Variants in PEX3 observed in about 807,000 individuals in gnomAD.
The protein encoded by PEX3 is peroxin-3.
Under a neutral mutation model 55.8 loss-of-function variants are expected in PEX3, and 30 were observed. That is an observed-to-expected ratio of 0.54 (90% CI 0.40 to 0.73). PEX3 has a LOEUF of 0.73. Among genes scored for constraint, PEX3 ranks in the 30% least tolerant of loss-of-function variants. The pLI, the probability that PEX3 is intolerant of heterozygous loss-of-function variation, is 0.00. For synonymous variants in PEX3, 135 were observed against 148.4 expected (o/e 0.91, Z 0.66); for missense variants, 351 against 432.8 (o/e 0.81, Z 1.68).
In PEX3 at chr6:143,474,857, G is replaced by T. The variant is rs958074446; in HGVS notation, c.818+1G>T. 1 of 1,514,590 alleles carries T rather than the reference G, an allele frequency of 6.6e-7. No individual in the cohort carries two copies. Among genetic ancestry groups the T allele is most frequent in the Non-Finnish European group, 9.2e-7 (1 of 1,089,808 alleles). 93.8% of individuals were successfully genotyped at this position (1,514,590 alleles called of 1,614,324 possible). Reference sequence around the variant, plus strand: ...ATGAAACTAGAGACATGTTGGAAAGGTATGTATACTTCATGTAGCAGGAAA... The same window carrying T: ...ATGAAACTAGAGACATGTTGGAAAGTTATGTATACTTCATGTAGCAGGAAA... On this transcript the variant is annotated splice_donor_variant, in intron 9 of 11. Coordinates refer to ENST00000367591, the MANE Select transcript of PEX3 (RefSeq NM_003630.3). LOFTEE classifies it high-confidence loss of function.
chr6:143,476,307 T>G lies in PEX3; in HGVS notation c.818+1451T>G, dbSNP rs1449990964. Among the ~76,000 whole-genome samples the G allele has an allele frequency of 1.3e-5, 2 of 152,104 alleles. No individual in the cohort carries two copies. The highest frequency in any genetic ancestry group is 1.5e-5 in the Non-Finnish European group (1 of 68,016). On this transcript the variant is annotated intron_variant, in intron 9 of 11. Coordinates refer to ENST00000367591, the MANE Select transcript of PEX3 (RefSeq NM_003630.3). This position sits in a 1 kb window ranked among gnomAD's most constrained non-coding sequence, Gnocchi z 5.4. ...GAGAAAAGTAATAGGGAAGTGAGAT[T>G]GGAGAGATAGATGGAAACTCCAGAG...
chr6:143,470,299 C>T (rs1446420298), intron 4 of PEX3, among the ~76,000 whole-genome samples: 1 of 152,108 alleles, frequency 6.6e-6, no homozygotes, highest in East Asian at 1.9e-4. Context: ...CCTTTCTTCT[C>T]TTCACTCCCT....
intron 1 of PEX3, among the ~76,000 whole-genome samples, chr6:143,456,886 T>A (rs74447634): frequency 0.011 from 1,715 of 152,278 alleles, 26 homozygotes; most frequent in African/African-American, 0.039. Context: ...TCAGGAAAAT[T>A]TCGCACTCAG....
chr6:143,477,722 T>C (rs1358337665), intron 9 of PEX3, among the ~76,000 whole-genome samples: 1 of 152,184 alleles, frequency 6.6e-6, no homozygotes, highest in African/African-American at 2.4e-5. Flanking sequence ...CAGCAAGCAC[T>C]GTTCTATACT....
intron 2 of PEX3, among the ~76,000 whole-genome samples, chr6:143,461,357 C>G (rs1401653990): frequency 6.6e-6 from 1 of 152,054 alleles, no homozygotes; most frequent in Non-Finnish European, 1.5e-5. Context: ...AGGGGTCACA[C>G]GTTTCCATGA....
Position 143,467,370 on chromosome 6 carries a change from TATAA to T in PEX3, c.288-734_288-731del, listed in dbSNP as rs926394607. 1.6e-4 allele frequency among the ~76,000 whole-genome samples: 24 copies of T among 152,150 alleles called. No homozygotes were observed. The East Asian group carries it at 2.1e-3, about 13-fold the overall frequency. On this transcript the variant is annotated intron_variant, in intron 3 of 11. Coordinates refer to ENST00000367591, the MANE Select transcript of PEX3 (RefSeq NM_003630.3). ...TATTACCTTTTTGATCATATGCACA[TATAA>T]ATAAATAAATAAATAAACATTTATT... is the stretch of plus-strand genomic sequence containing the variant.
chr6:143,470,828 A>C (rs1345746550), intron 4 of PEX3, 133 bp from the exon 5 acceptor site: 17 of 698,056 alleles, frequency 2.4e-5, no homozygotes, highest in Non-Finnish European at 3.1e-5. Flanking sequence ...TTGAATTGAT[A>C]TATTTTTATA....
In PEX3 at chr6:143,485,190, C is replaced by T; in HGVS notation, c.980C>T (p.Pro327Leu). The T allele has an allele frequency of 6.2e-7, 1 of 1,606,298 alleles. No individual in the cohort carries two copies. Among genetic ancestry groups the T allele is most frequent in the Non-Finnish European group, 8.5e-7 (1 of 1,173,324 alleles). The change falls in exon 11 of 12, where the codon CCA becomes CTA. Residue 327 changes from proline (P) to leucine (L), a missense_variant. Physicochemically the swap from Pro to Leu is moderately conservative, Grantham distance 98. Transcript: ENST00000367591. The surrounding 1 kb of genome is among the most constrained non-coding windows in gnomAD (Gnocchi z 5.6). Reference protein sequence around the residue: ...SVSLPLAKIIPIVNGQIHSVC... With the variant: ...SVSLPLAKIILIVNGQIHSVC... ...AGCCTGCCTTTAGCTAAGATAATTC[C>T]AATAGTAAACGGACAGATCCATTCA...
Position 143,479,063 on chromosome 6 carries a change from T to C in PEX3, c.819-13T>C, listed in dbSNP as rs754348555. ...GAGTCTAAAAAGTAACTTATACTTC[T>C]TACTTTATATAGCCCAGATTTTAGT... is the stretch of plus-strand genomic sequence containing the variant. On this transcript the variant is annotated splice_polypyrimidine_tract_variant and intron_variant, in intron 9 of 11. Transcript: ENST00000367591. This position sits in a 1 kb window ranked among gnomAD's most constrained non-coding sequence, Gnocchi z 4.6. 2 of 1,526,710 alleles carry C rather than the reference T, an allele frequency of 1.3e-6. No homozygotes were observed. 94.6% of individuals were successfully genotyped at this position (1,526,710 alleles called of 1,614,324 possible). A position where few individuals can be genotyped will look rare whatever the true frequency, so the allele number is the denominator to read the frequency against.
In PEX3 at chr6:143,479,245, A is replaced by T. The variant is rs1234302345; in HGVS notation, c.941+47A>T. On this transcript the variant is annotated intron_variant, in intron 10 of 11. Transcript: ENST00000367591. The surrounding 1 kb of genome is among the most constrained non-coding windows in gnomAD (Gnocchi z 4.6). ...TTATACTAATGAATGCTCTAAAAAA[A>T]TGGTGCTTTGCTTGTCTTTTTGTTC... 2.7e-6 allele frequency: 4 copies of T among 1,467,190 alleles called. No homozygotes were observed. Among genetic ancestry groups the T allele is most frequent in the Non-Finnish European group, 3.8e-6 (4 of 1,047,508 alleles). The allele number at this position is 1,467,190 out of a possible 1,614,324, so 90.9% of individuals were successfully genotyped here. A position where few individuals can be genotyped will look rare whatever the true frequency, so the allele number is the denominator to read the frequency against.
chr6:143,481,388 C>T (rs1321012140), intron 10 of PEX3, among the ~76,000 whole-genome samples: 2 of 151,682 alleles, frequency 1.3e-5, no homozygotes, highest in African/African-American at 4.8e-5. Flanking sequence ...CTAGGAAATA[C>T]GTACTAGTAT....
chr6:143,487,574 C>G lies in PEX3; in HGVS notation c.1039-1569C>G, dbSNP rs1296547172. On this transcript the variant is annotated intron_variant, in intron 11 of 11. Coordinates refer to ENST00000367591, the MANE Select transcript of PEX3 (RefSeq NM_003630.3). This position sits in a 1 kb window ranked among gnomAD's most constrained non-coding sequence, Gnocchi z 5.3. ...CTCAAAACCAAAGCACTTTTATTGT[C>G]AAGTAGAATCTAAATTACAAAAAAA... Among the ~76,000 whole-genome samples the G allele has an allele frequency of 1.3e-5, 2 of 152,068 alleles. No homozygotes were observed. Among genetic ancestry groups the G allele is most frequent in the African/African-American group, 4.8e-5 (2 of 41,416 alleles).
At chr6:143,456,400 A>G (rs972849310) in intron 1 of PEX3, among the ~76,000 whole-genome samples, 1 of 152,264 alleles carries the variant, frequency 6.6e-6, no homozygotes, top group Non-Finnish European at 1.5e-5. Context: ...TAGACCTTGT[A>G]TAAGAACTTA....
rs1463483284 is a variant in PEX3, at chr6:143,451,050, G to A, written c.8G>A (p.Arg3Lys). ...CACCCCTAGGGCCTAAAGATGCTGA[G>A]GTCTGTATGGAATTTTCTGAAACGC... Reference protein sequence around the residue: MLRSVWNFLKRHK... With the variant: MLKSVWNFLKRHK... Residue 3 changes from arginine to lysine, a missense_variant, in exon 1 of 12, where the codon AGG (arginine) becomes AAG (lysine). Transcript: ENST00000367591. This position sits in a 1 kb window ranked among gnomAD's most constrained non-coding sequence, Gnocchi z 4.1. 1 of 1,612,580 alleles carries A rather than the reference G, an allele frequency of 6.2e-7. No individual in the cohort carries two copies. The highest frequency in any genetic ancestry group is 8.5e-7 in the Non-Finnish European group (1 of 1,178,620).
In PEX3 at chr6:143,471,173, A is replaced by T; in HGVS notation, c.456+88A>T. 1 of 1,218,194 alleles carries T rather than the reference A, an allele frequency of 8.2e-7. No homozygotes were observed. Among genetic ancestry groups the T allele is most frequent in the Non-Finnish European group, 1.2e-6 (1 of 833,148 alleles). 75.5% of individuals were successfully genotyped at this position (1,218,194 alleles called of 1,614,324 possible). The stretch of plus-strand genomic sequence containing the variant: ...TTTATCCTGATAACAATTTCTATGA[A>T]ATAAATATTTTTATATTTCATGTGA... On this transcript the variant is annotated intron_variant, in intron 5 of 11. Coordinates refer to ENST00000367591, the MANE Select transcript of PEX3 (RefSeq NM_003630.3). This position sits in a 1 kb window ranked among gnomAD's most constrained non-coding sequence, Gnocchi z 5.4.
At position 143,483,781 on chromosome 6, in the gene PEX3, T is replaced by C. The variant is rs941722073; in HGVS notation, c.942-1371T>C. On this transcript the variant is annotated intron_variant, in intron 10 of 11. Transcript: ENST00000367591. This position sits in a 1 kb window ranked among gnomAD's most constrained non-coding sequence, Gnocchi z 4.3. ...TATTAATCAATTCAACAAGTATGTA[T>C]TGGATGTCCACTGTACACAAGACCT... 6.6e-6 allele frequency among the ~76,000 whole-genome samples: 1 copy of C among 152,100 alleles called. No individual in the cohort carries two copies. Among genetic ancestry groups the C allele is most frequent in the African/African-American group, 2.4e-5 (1 of 41,426 alleles).
At position 143,471,843 on chromosome 6, in the gene PEX3, A is replaced by T. The variant is rs1780079015; in HGVS notation, c.578+232A>T. 6.6e-6 allele frequency among the ~76,000 whole-genome samples: 1 copy of T among 152,160 alleles called. No individual in the cohort carries two copies. Among genetic ancestry groups the T allele is most frequent in the South Asian group, 2.1e-4 (1 of 4,826 alleles). ...ATTGTTAATTGATTGATTTCATACA[A>T]ATCAGAAATATTTGGGTCATGAGAT... On this transcript the variant is annotated intron_variant, in intron 7 of 11. Transcript: ENST00000367591. This position sits in a 1 kb window ranked among gnomAD's most constrained non-coding sequence, Gnocchi z 5.4.
At position 143,458,195 on chromosome 6, in the gene PEX3, A is replaced by T. The variant is rs1451524208; in HGVS notation, c.74-890A>T. Among the ~76,000 whole-genome samples the T allele has an allele frequency of 2.0e-5, 3 of 152,190 alleles. No homozygotes were observed. ...GAATGTTCACATTCCCAGCTAGGAAAACTGACTGCCCCTCAGATATAGACT... is the reference window on the plus strand; with the variant it reads ...GAATGTTCACATTCCCAGCTAGGAATACTGACTGCCCCTCAGATATAGACT... On this transcript the variant is annotated intron_variant, in intron 1 of 11. Transcript: ENST00000367591. The surrounding 1 kb of genome is among the most constrained non-coding windows in gnomAD (Gnocchi z 6.1).
At chr6:143,477,436 C>CA (rs35496070) in intron 9 of PEX3, among the ~76,000 whole-genome samples, 104,383 of 151,882 alleles carry the variant, frequency 0.69, 36,251 homozygotes, top group African/African-American at 0.78. Flanking sequence ...TGTAGAAAAG[C>CA]TCATTAATTT....
Sources: gnomAD v4.1 joint callset for allele counts (sites outside exome capture counted in the v4.1 genomes callset) on GRCh38, gnomAD v4.1.1 for gene constraint, Gnocchi (gnomAD v3.1) non-coding constraint, MANE v1.5 for transcripts, NCBI Gene and HGNC (gene_info 2026-07-23, HGNC 2026-07-21) for gene names.